The following ANK2 variants were observed in gnomAD, a reference collection of about 807,000 sequenced individuals.
The protein encoded by ANK2 is ankyrin 2.
A neutral mutation model predicts 360.5 loss-of-function variants in ANK2; 83 were observed. That is an observed-to-expected ratio of 0.23 (90% CI 0.19 to 0.28). ANK2 has a LOEUF of 0.28. ANK2 is among the 10% of genes least tolerant of loss of function. The probability of loss-of-function intolerance (pLI) is 1.00; values close to 1 mark genes in which losing one functional copy is unlikely to be tolerated. For missense variants in ANK2, 4,201 were observed against 4,795.7 expected (o/e 0.88, Z 3.66); for synonymous variants, 1,740 against 1,759.5 (o/e 0.99, Z 0.28).
intron 1 of ANK2, among the ~76,000 whole-genome samples, chr4:112,820,831 G>T (rs1446725062): frequency 6.6e-6 from 1 of 151,894 alleles, no homozygotes; most frequent in African/African-American, 2.4e-5. Flanking sequence ...CTTAAACTCG[G>T]GTTCAAACAA....
At chr4:112,737,844 C>T in the ANK2 span, among the ~76,000 whole-genome samples, 7 of 152,130 alleles carry the variant, frequency 4.6e-5, no homozygotes, top group African/African-American at 1.7e-4. Flanking sequence ...TTTCTTAAGA[C>T]TTAGGCCTGG....
chr4:112,729,841 C>T, the ANK2 span, among the ~76,000 whole-genome samples: 1 of 151,794 alleles, frequency 6.6e-6, no homozygotes, highest in Non-Finnish European at 1.5e-5. Flanking sequence ...GAAATCCTGT[C>T]ATTTGCAGTA....
intron 5 of ANK2, among the ~76,000 whole-genome samples, chr4:113,232,826 G>A (rs1226388079): frequency 6.6e-6 from 1 of 152,214 alleles, no homozygotes; most frequent in Non-Finnish European, 1.5e-5. Flanking sequence ...GACATAAGAA[G>A]TGGGAGTGGG....
At chr4:112,874,152 G>A (rs1195602731) in intron 1 of ANK2, among the ~76,000 whole-genome samples, 6 of 147,144 alleles carry the variant, frequency 4.1e-5, no homozygotes, top group Non-Finnish European at 8.9e-5. Context: ...CGCCATCTCG[G>A]CTCACTGCAA....
At chr4:112,793,667 A>G in the ANK2 span, among the ~76,000 whole-genome samples, 1 of 151,834 alleles carries the variant, frequency 6.6e-6, no homozygotes, top group African/African-American at 2.4e-5. Flanking sequence ...TATAAATGAG[A>G]AAACTAAAGC....
intron 1 of ANK2, among the ~76,000 whole-genome samples, chr4:113,060,501 C>A (rs1180742211): frequency 1.3e-5 from 2 of 151,866 alleles, no homozygotes; most frequent in African/African-American, 4.8e-5. Flanking sequence ...ACGAGCTATC[C>A]CAGGTCAAAC....
chr4:113,185,219 C>T (rs2107023), intron 2 of ANK2, among the ~76,000 whole-genome samples: 47,033 of 151,880 alleles, frequency 0.31, 7,802 homozygotes, highest in African/African-American at 0.42. Context: ...GGGTGTATAC[C>T]CAGTAATGGG....
intron 4 of ANK2, among the ~76,000 whole-genome samples, chr4:113,226,037 C>T (rs1191782449): frequency 3.9e-5 from 6 of 152,068 alleles, no homozygotes; most frequent in African/African-American, 1.2e-4. Flanking sequence ...TCTTCCTAAT[C>T]GTGAAACAGA....
chr4:113,259,800 AC>A (rs1199853485), intron 13 of ANK2, among the ~76,000 whole-genome samples: 1 of 144,542 alleles, frequency 6.9e-6, no homozygotes, highest in East Asian at 2.0e-4. Context: ...TGAGATGACT[AC>A]CTTTTTTTTT....
At chr4:113,082,212 T>G (rs2082673423) in intron 1 of ANK2, among the ~76,000 whole-genome samples, 1 of 152,222 alleles carries the variant, frequency 6.6e-6, no homozygotes, top group Non-Finnish European at 1.5e-5. Context: ...TGAATTTGCA[T>G]GGTCTATATT....
chr4:113,140,638 C>A (rs2096602866), intron 1 of ANK2, among the ~76,000 whole-genome samples: 1 of 151,986 alleles, frequency 6.6e-6, no homozygotes, highest in Non-Finnish European at 1.5e-5. Flanking sequence ...AGACTCATGG[C>A]AATTTTTTTT....
chr4:113,352,692 A>T (rs1348272616), intron 37 of ANK2, among the ~76,000 whole-genome samples: 1 of 150,724 alleles, frequency 6.6e-6, no homozygotes, highest in Non-Finnish European at 1.5e-5. Context: ...AACAATCTTG[A>T]GATACCTCTG....
chr4:112,799,083 AC>A, the ANK2 span, among the ~76,000 whole-genome samples: 8 of 152,300 alleles, frequency 5.3e-5, no homozygotes, highest in East Asian at 1.2e-3. Context: ...TCCTTTTGTG[AC>A]TGGCTTATTT....
chr4:113,018,790 T>G (rs760816124), intron 2 of ANK2, among the ~76,000 whole-genome samples: 1 of 152,206 alleles, frequency 6.6e-6, no homozygotes, highest in Non-Finnish European at 1.5e-5. Context: ...AGTGTCATTC[T>G]TTCACTTTTA....
At chr4:112,880,566 C>T (rs949096801) in intron 1 of ANK2, 1 of 152,184 alleles carries the variant, frequency 6.6e-6, no homozygotes, top group Non-Finnish European at 1.5e-5. Flanking sequence ...GTAAAGCATC[C>T]TCTTCCTCTA....
chr4:113,060,221 CA>C (rs1326158189), intron 1 of ANK2, among the ~76,000 whole-genome samples: 1 of 151,960 alleles, frequency 6.6e-6, no homozygotes, highest in East Asian at 1.9e-4. Context: ...ATAAATGGAA[CA>C]ATTTATTTAT....
chr4:113,370,629 G>A (rs1041029623), intron 43 of ANK2, among the ~76,000 whole-genome samples: 1 of 152,050 alleles, frequency 6.6e-6, no homozygotes, highest in Admixed American at 6.5e-5. Flanking sequence ...GTATGGTGGC[G>A]AGTGCCTGTA....
chr4:113,359,358 T>C, intron 38 of ANK2, 59 bp downstream of exon 38: 1 of 1,599,534 alleles, frequency 6.3e-7, no homozygotes, highest in Non-Finnish European at 8.5e-7. Context: ...GATATAGTTT[T>C]TTTGTATGTT....
At chr4:113,287,785 C>A in intron 19 of ANK2, 82 bp downstream of exon 19, 1 of 1,129,296 alleles carries the variant, frequency 8.9e-7, no homozygotes. Flanking sequence ...ACCCCATGTC[C>A]AGGGTCTTCC....
Sources: gnomAD v4.1 joint callset for allele counts (sites outside exome capture counted in the v4.1 genomes callset) on GRCh38, gnomAD v4.1.1 for gene constraint, MANE v1.5 for transcripts, NCBI Gene and HGNC (gene_info 2026-07-23, HGNC 2026-07-21) for gene names.